Variants in DPP6 observed in about 807,000 individuals in gnomAD.
The protein encoded by DPP6 is dipeptidyl peptidase like 6.
DPP6 carries 69 observed loss-of-function variants against 122.6 expected under a neutral mutation model. The ratio of observed to expected loss-of-function variants is 0.56; its 90% confidence interval spans 0.46 to 0.69. The LOEUF is 0.69. Among genes scored for constraint, DPP6 ranks in the 30% least tolerant of loss-of-function variants. DPP6 has a pLI of 0.00. For synonymous variants in DPP6, 418 were observed against 433.1 expected (o/e 0.97, Z 0.43); for missense variants, 928 against 1,116.9 (o/e 0.83, Z 2.41).
chr7:154,889,455 A>G lies in DPP6; in HGVS notation c.2378-2A>G. On this transcript the variant is annotated splice_acceptor_variant, in intron 24 of 25. Coordinates refer to ENST00000377770, the MANE Select transcript of DPP6 (RefSeq NM_130797.4). LOFTEE classifies it high-confidence loss of function. ...CTCTTTTTTTTTTTTTTTTTTGCAC[A>G]GAAAAAATTCATTTCCAGCACACAG... The G allele has an allele frequency of 6.4e-7, 1 of 1,552,756 alleles. No individual in the cohort carries two copies. Among genetic ancestry groups the G allele is most frequent in the Non-Finnish European group, 8.6e-7 (1 of 1,158,068 alleles).
At chr7:153,755,650 C>T in the DPP6 span, among the ~76,000 whole-genome samples, 3 of 152,082 alleles carry the variant, frequency 2.0e-5, no homozygotes, top group South Asian at 2.1e-4. Flanking sequence ...ATCCTATTTC[C>T]GAACTTTTCC....
At chr7:154,471,632 G>A (rs1457044111) in intron 2 of DPP6, among the ~76,000 whole-genome samples, 1 of 150,974 alleles carries the variant, frequency 6.6e-6, no homozygotes, top group Non-Finnish European at 1.5e-5. Context: ...CCCAACCAGG[G>A]GCCTCTCAAG....
intron 1 of DPP6, among the ~76,000 whole-genome samples, chr7:154,210,192 C>T (rs1324879196): frequency 2.0e-5 from 3 of 152,192 alleles, no homozygotes; most frequent in Admixed American, 2.0e-4. Flanking sequence ...ACCTGTGTGG[C>T]TCTCCCAAGC....
the DPP6 span, among the ~76,000 whole-genome samples, chr7:153,824,653 T>C: frequency 0.72 from 109,171 of 151,156 alleles, 39,919 homozygotes; most frequent in African/African-American, 0.87. Flanking sequence ...CATTGCACTC[T>C]AGTCTGGGTA....
chr7:153,785,834 T>C, the DPP6 span, among the ~76,000 whole-genome samples: 2 of 152,100 alleles, frequency 1.3e-5, no homozygotes, highest in Admixed American at 6.5e-5. Context: ...TTTCCTTTTT[T>C]CGTTTTTAGA....
At chr7:154,712,892 C>A (rs2131310037) in intron 7 of DPP6, among the ~76,000 whole-genome samples, 1 of 152,284 alleles carries the variant, frequency 6.6e-6, no homozygotes, top group South Asian at 2.1e-4. Flanking sequence ...TCCAAAAGTC[C>A]CCCAAAGTCT....
chr7:154,636,013 C>T lies in DPP6; in HGVS notation c.628-1808C>T, dbSNP rs574681800. 2.8e-4 allele frequency among the ~76,000 whole-genome samples: 43 copies of T among 152,296 alleles called. No individual in the cohort carries two copies. The South Asian group carries it at 8.9e-3, about 32-fold the overall frequency. ...TAAAGGGTACAGAATTAGGTTCCAT[C>T]TCTTCTCTTCTCTCTCCTCCTCTCC... On this transcript the variant is annotated intron_variant, in intron 5 of 25. Coordinates refer to ENST00000377770, the MANE Select transcript of DPP6 (RefSeq NM_130797.4).
chr7:154,565,950 G>A (rs1830719579), intron 4 of DPP6, among the ~76,000 whole-genome samples: 1 of 152,212 alleles, frequency 6.6e-6, no homozygotes, highest in African/African-American at 2.4e-5. Context: ...TATCTGTGGA[G>A]CAATGTGCTT....
the DPP6 span, among the ~76,000 whole-genome samples, chr7:153,855,903 C>G: frequency 1.8e-3 from 273 of 152,214 alleles, 1 homozygote; most frequent in African/African-American, 6.1e-3. Context: ...CCCAGTCTTA[C>G]CTTTTAAGCT....
rs149781606 is a variant in DPP6 at position 154,472,091 on chromosome 7, G to A, written c.359-2848G>A. On this transcript the variant is annotated intron_variant, in intron 2 of 25. Transcript: ENST00000377770. ...GCACAGTCCAGATGGGATTCTGGAA[G>A]GAGGGGATCAAATGCTGCAGGAGCC... Among the ~76,000 whole-genome samples, 600 of 152,308 alleles carry A rather than the reference G, an allele frequency of 3.9e-3. 6 individuals are homozygous for A. The highest frequency in any genetic ancestry group is 0.013 in the African/African-American group (561 of 41,578).
At chr7:153,968,067 A>C (rs1795847045) in intron 1 of DPP6, among the ~76,000 whole-genome samples, 1 of 149,982 alleles carries the variant, frequency 6.7e-6, no homozygotes, top group South Asian at 2.1e-4. Context: ...TTTCCTTTGG[A>C]TATATACCCA....
At chr7:154,285,628 G>C (rs1445639683) in intron 1 of DPP6, among the ~76,000 whole-genome samples, 1 of 152,154 alleles carries the variant, frequency 6.6e-6, no homozygotes, top group African/African-American at 2.4e-5. Context: ...AACTTCCTGT[G>C]AGGAAACGGT....
At chr7:154,072,335 T>G (rs983722620) in intron 1 of DPP6, among the ~76,000 whole-genome samples, 2 of 152,122 alleles carry the variant, frequency 1.3e-5, no homozygotes, top group Admixed American at 6.5e-5. Flanking sequence ...ATGATAAACA[T>G]CCTATCCAGA....
intron 1 of DPP6, among the ~76,000 whole-genome samples, chr7:154,030,620 A>G (rs1458258287): frequency 6.6e-6 from 1 of 152,156 alleles, no homozygotes; most frequent in Non-Finnish European, 1.5e-5. Flanking sequence ...TCCACGTGAC[A>G]GACCTGGACC....
chr7:154,029,740 G>A (rs1254107642), intron 1 of DPP6, among the ~76,000 whole-genome samples: 6 of 150,692 alleles, frequency 4.0e-5, no homozygotes, highest in Non-Finnish European at 3.0e-5. Context: ...CAGCTACTCG[G>A]GAGGCTGAGG....
intron 23 of DPP6, among the ~76,000 whole-genome samples, chr7:154,888,056 A>T (rs569295197): frequency 5.4e-4 from 81 of 150,424 alleles, no homozygotes; most frequent in African/African-American, 1.9e-3. Context: ...CTCTCCCTAC[A>T]GCCAGAGCTG....
chr7:154,580,060 C>T (rs1239111237), intron 5 of DPP6, among the ~76,000 whole-genome samples: 14 of 151,978 alleles, frequency 9.2e-5, no homozygotes, highest in Admixed American at 7.9e-4. Context: ...GAGTTTCCCG[C>T]GCGTCGGAGG....
Position 154,275,684 on chromosome 7 carries a change from G to A in DPP6, c.244-170530G>A, listed in dbSNP as rs375976071. 7.9e-5 allele frequency among the ~76,000 whole-genome samples: 12 copies of A among 152,354 alleles called. No individual in the cohort carries two copies. The South Asian group carries it at 2.5e-3, about 32-fold the overall frequency. ...ATTGTCCCCTGCAGATGTGAGGACAGTTTAATCAGCTCCCTCCTCAGTGCT... is the reference window on the plus strand; with the variant it reads ...ATTGTCCCCTGCAGATGTGAGGACAATTTAATCAGCTCCCTCCTCAGTGCT... On this transcript the variant is annotated intron_variant, in intron 1 of 25. Coordinates refer to ENST00000377770, the MANE Select transcript of DPP6 (RefSeq NM_130797.4).
chr7:153,897,843 A>G (rs1466670900), intron 1 of DPP6, among the ~76,000 whole-genome samples: 1 of 152,234 alleles, frequency 6.6e-6, no homozygotes, highest in Non-Finnish European at 1.5e-5. Flanking sequence ...CCAGCAGTGC[A>G]CAAGTGTTCC....
Sources: gnomAD v4.1 joint callset for allele counts (sites outside exome capture counted in the v4.1 genomes callset) on GRCh38, gnomAD v4.1.1 for gene constraint, MANE v1.5 for transcripts, NCBI Gene and HGNC (gene_info 2026-07-23, HGNC 2026-07-21) for gene names.